The following NLGN1 variants were observed in gnomAD, a reference collection of about 807,000 sequenced individuals.
The protein encoded by NLGN1 is neuroligin 1.
A neutral mutation model predicts 65.5 loss-of-function variants in NLGN1; 12 were observed. The observed-to-expected ratio is 0.18, with a 90% CI of 0.12 to 0.30. The LOEUF is 0.30. Ranked by LOEUF, NLGN1 falls within the 10% of genes least tolerant of loss-of-function variation. The pLI, the probability that NLGN1 is intolerant of heterozygous loss-of-function variation, is 1.00. For missense variants in NLGN1, 750 were observed against 1,007.1 expected (o/e 0.74, Z 3.46); for synonymous variants, 350 against 359.5 (o/e 0.97, Z 0.30).
chr3:173,418,648 A>G (rs1485052365), intron 1 of NLGN1, among the ~76,000 whole-genome samples: 1 of 152,220 alleles, frequency 6.6e-6, no homozygotes, highest in Non-Finnish European at 1.5e-5. Flanking sequence ...TTGAGATTTC[A>G]TCTAATTTTT....
chr3:174,288,381 C>T (rs192739380), downstream of NLGN1, among the ~76,000 whole-genome samples: 3 of 151,592 alleles, frequency 2.0e-5, no homozygotes, highest in Admixed American at 6.6e-5. Context: ...TTTGCCACAA[C>T]CTCAACATGT....
chr3:173,746,368 A>G (rs1342320348), intron 3 of NLGN1, among the ~76,000 whole-genome samples: 1 of 152,264 alleles, frequency 6.6e-6, no homozygotes, highest in South Asian at 2.1e-4. Flanking sequence ...GATAAAGTTT[A>G]AAATGCTTAG....
chr3:173,991,742 A>G (rs910075221), intron 4 of NLGN1, among the ~76,000 whole-genome samples: 43 of 152,202 alleles, frequency 2.8e-4, no homozygotes, highest in African/African-American at 9.2e-4. Flanking sequence ...ATGCTCTTTA[A>G]TAAAATAGTC....
At chr3:174,080,922 G>GGTTGTGTGTGTGTGTGTGTGTGTGTGTGT (rs1431869842) in intron 4 of NLGN1, among the ~76,000 whole-genome samples, 17 of 141,274 alleles carry the variant, frequency 1.2e-4, no homozygotes, top group African/African-American at 4.5e-4. Flanking sequence ...TGACATTCCT[G>GGTTGTGTGTGTGTGTGTGTGTGTGTGTGT]GTGTGTGTGT....
intron 4 of NLGN1, among the ~76,000 whole-genome samples, chr3:174,177,485 T>C (rs1433060398): frequency 2.0e-5 from 3 of 152,048 alleles, no homozygotes; most frequent in Non-Finnish European, 4.4e-5. Context: ...GCTCCATTAT[T>C]AGTTTTACAT....
At chr3:174,210,900 T>C (rs1275782544) in intron 4 of NLGN1, among the ~76,000 whole-genome samples, 2 of 152,226 alleles carry the variant, frequency 1.3e-5, no homozygotes, top group Non-Finnish European at 2.9e-5. Context: ...TCCTTCAGTA[T>C]TCAGTACAAT....
intron 4 of NLGN1, among the ~76,000 whole-genome samples, chr3:173,862,505 C>CAAAAAAAAAAAAA (rs10601211): frequency 2.4e-5 from 1 of 41,708 alleles, no homozygotes; most frequent in African/African-American, 7.0e-5. Context: ...GACTCCGTCT[C>CAAAAAAAAAAAAA]AAAAAAAAAA....
At position 173,830,013 on chromosome 3, in the gene NLGN1, G is replaced by T. The variant is rs879701195; in HGVS notation, c.646+22181G>T. Among the ~76,000 whole-genome samples, 437 of 143,972 alleles carry T rather than the reference G, an allele frequency of 3.0e-3. 4 individuals are homozygous for T. Among genetic ancestry groups the T allele is most frequent in the Non-Finnish European group, 4.4e-3 (292 of 65,842 alleles). 94.5% of individuals were successfully genotyped at this position (143,972 alleles called of 152,430 possible). On this transcript the variant is annotated intron_variant, in intron 4 of 6. Transcript: ENST00000457714. ...AGAATTACAGTGGGTAGTGTGGGGG[G>T]GGGAGGGAGAGAATAAAAAGAAGTC...
chr3:173,815,456 C>A (rs1225767166), intron 4 of NLGN1, among the ~76,000 whole-genome samples: 1 of 152,050 alleles, frequency 6.6e-6, no homozygotes. Flanking sequence ...TCCCAAAGAC[C>A]TCTAGATTGC....
intron 4 of NLGN1, among the ~76,000 whole-genome samples, chr3:174,160,383 T>A (rs1175268730): frequency 6.6e-6 from 1 of 151,754 alleles, no homozygotes; most frequent in Non-Finnish European, 1.5e-5. Context: ...GAAATCCTTT[T>A]ACATAACCAT....
At chr3:173,536,318 T>A (rs1737422114) in intron 2 of NLGN1, among the ~76,000 whole-genome samples, 1 of 152,222 alleles carries the variant, frequency 6.6e-6, no homozygotes, top group Non-Finnish European at 1.5e-5. Context: ...TTAATTCTAT[T>A]TTAATTGTGA....
chr3:173,523,891 G>A (rs1735183070), intron 2 of NLGN1, among the ~76,000 whole-genome samples: 1 of 149,836 alleles, frequency 6.7e-6, no homozygotes, highest in Non-Finnish European at 1.5e-5. Context: ...CCATGAGCAT[G>A]AGATGTTTTC....
chr3:173,855,266 A>G (rs1287272105), intron 4 of NLGN1, among the ~76,000 whole-genome samples: 1 of 152,128 alleles, frequency 6.6e-6, no homozygotes, highest in African/African-American at 2.4e-5. Context: ...TTTAAAGGAT[A>G]ATTACAATTA....
intron 4 of NLGN1, among the ~76,000 whole-genome samples, chr3:174,007,949 AGTGT>A (rs5854543): frequency 0.66 from 97,537 of 148,582 alleles, 32,235 homozygotes; most frequent in Admixed American, 0.75. Context: ...GACCAGTCTA[AGTGT>A]GTGTGTGTGT....
chr3:173,543,816 A>G (rs1444699863), intron 2 of NLGN1, among the ~76,000 whole-genome samples: 1 of 152,144 alleles, frequency 6.6e-6, no homozygotes, highest in African/African-American at 2.4e-5. Context: ...GCACTCATGA[A>G]GCTTAGAGAC....
chr3:174,275,259 A>ATGTC (rs1750328329), intron 4 of NLGN1, 56 bp from the exon 5 acceptor site: 2 of 1,270,236 alleles, frequency 1.6e-6, no homozygotes, highest in African/African-American at 1.5e-5. Flanking sequence ...TTTAAATTTG[A>ATGTC]TGTCTATTTG....
At chr3:173,724,298 CG>C (rs1243289684) in intron 3 of NLGN1, among the ~76,000 whole-genome samples, 6 of 152,144 alleles carry the variant, frequency 3.9e-5, no homozygotes, top group African/African-American at 1.4e-4. Flanking sequence ...TTTTTTGAGA[CG>C]GAGTCTCGCT....
At chr3:173,519,845 C>T (rs1486726165) in intron 2 of NLGN1, among the ~76,000 whole-genome samples, 1 of 151,896 alleles carries the variant, frequency 6.6e-6, no homozygotes, top group East Asian at 1.9e-4. Flanking sequence ...TTGTATTTTG[C>T]AGTGTGAGGA....
At chr3:174,291,827 A>G in the NLGN1 span, among the ~76,000 whole-genome samples, 1 of 151,378 alleles carries the variant, frequency 6.6e-6, no homozygotes, top group East Asian at 1.9e-4. Context: ...CCAGAGAGCT[A>G]ACACTAAATG....
Sources: gnomAD v4.1 joint callset for allele counts (sites outside exome capture counted in the v4.1 genomes callset) on GRCh38, gnomAD v4.1.1 for gene constraint, MANE v1.5 for transcripts, NCBI Gene and HGNC (gene_info 2026-07-23, HGNC 2026-07-21) for gene names.